BTBD1: variants seen among roughly 807,000 people sequenced by gnomAD.
BTBD1 encodes the protein BTB/POZ domain-containing protein 1.
A neutral mutation model predicts 48.0 loss-of-function variants in BTBD1; 34 were observed. The observed-to-expected ratio is 0.71, with a 90% CI of 0.54 to 0.94. The LOEUF (loss-of-function observed/expected upper bound fraction) is 0.94. Ranked by LOEUF, BTBD1 falls within the 40% of genes least tolerant of loss-of-function variation. The pLI is 0.00. For synonymous variants in BTBD1, 261 were observed against 242.1 expected, an observed-to-expected ratio of 1.08 and a Z score of -0.72; for missense variants, 543 against 625.6, an observed-to-expected ratio of 0.87 and a Z score of 1.41.
At chr15:83,061,943 G>C (rs888737282) in intron 1 of BTBD1, 2 of 152,220 alleles carry the variant, frequency 1.3e-5, no homozygotes, top group African/African-American at 2.4e-5. Context: ...CCTGTGGGTG[G>C]AATTTTTACA....
intron 4 of BTBD1, chr15:83,030,714 T>C (rs2032500047): frequency 1.3e-5 from 2 of 156,382 alleles, no homozygotes. Flanking sequence ...AGGTAAAGAA[T>C]TCATGACTAA....
chr15:83,040,448 A>T (rs1006012531), intron 4 of BTBD1, among the ~76,000 whole-genome samples: 15 of 152,192 alleles, frequency 9.9e-5, no homozygotes, highest in African/African-American at 3.6e-4. Flanking sequence ...CATGCCTATA[A>T]TCCCAGCACT....
intron 1 of BTBD1, among the ~76,000 whole-genome samples, chr15:83,064,917 T>G (rs1460980986): frequency 3.3e-5 from 5 of 152,066 alleles, no homozygotes. Context: ...AAACAAAGAA[T>G]AAAGAAGAAA....
chr15:83,031,235 C>T (rs557394264), intron 4 of BTBD1, among the ~76,000 whole-genome samples: 13 of 152,264 alleles, frequency 8.5e-5, no homozygotes, highest in South Asian at 2.1e-4. Flanking sequence ...TGGTGTGAGA[C>T]GGTATCTCAT....
rs767591345 is a variant in BTBD1 at position 83,050,088 on chromosome 15, T to C, written c.649A>G (p.Thr217Ala). Residue 217 changes from threonine to alanine, a missense_variant, in exon 3 of 8, where the codon ACT becomes GCT. This residue lies in a region of BTBD1 where 300 missense variants were observed against 350.0 expected (regional missense o/e 0.86). Transcript: ENST00000261721. ...GCGAACTTACCTATATCAATATCAG[T>C]AAACCCTTCTGCACTTATTGCATCC... ...TMDAISAEGF[T>A]DIDIDTLCAV... is the part of the protein sequence containing the mutation. The C allele has an allele frequency of 6.2e-7, 1 of 1,610,044 alleles. No homozygotes were observed. Among genetic ancestry groups the C allele is most frequent in the South Asian group, 1.1e-5 (1 of 90,878 alleles).
intron 4 of BTBD1, among the ~76,000 whole-genome samples, chr15:83,040,023 A>G (rs1194676416): frequency 6.6e-6 from 1 of 151,570 alleles, no homozygotes; most frequent in Non-Finnish European, 1.5e-5. Flanking sequence ...ACACGGACAC[A>G]CACACACCAC....
Position 83,032,977 on chromosome 15 carries a change from A to AAAAAAAAAAAAAAC in BTBD1, c.863-2650_863-2649insGTTTTTTTTTTTTT, listed in dbSNP as rs752456266. Among the ~76,000 whole-genome samples, 365 of 149,504 alleles carry AAAAAAAAAAAAAAC rather than the reference A, an allele frequency of 2.4e-3. 3 individuals carry two copies. The highest frequency in any genetic ancestry group is 4.1e-3 in the Non-Finnish European group (275 of 66,930). On this transcript the variant is annotated intron_variant, in intron 4 of 7. Coordinates refer to ENST00000261721, the MANE Select transcript of BTBD1 (RefSeq NM_025238.4). Reference sequence around the variant, plus strand: ...ACAGTCTTACTCTGTCTCAAAAAAAAAAAAAAAAAAACAGAATAGAATTGC... The same window carrying AAAAAAAAAAAAAAC: ...ACAGTCTTACTCTGTCTCAAAAAAAAAAAAAAAAAAAAACAAAAAAAAAAACAGAATAGAATTGC...
At chr15:83,030,532 T>C in intron 4 of BTBD1, 1 of 513,390 alleles carries the variant, frequency 1.9e-6, no homozygotes, top group East Asian at 3.3e-5. Context: ...GTTAAAAGCA[T>C]TAATTAGTCA....
At chr15:83,044,613 C>T in intron 3 of BTBD1, 1 of 1,584,062 alleles carries the variant, frequency 6.3e-7, no homozygotes, top group South Asian at 1.1e-5. Context: ...CAGAAAAACT[C>T]AGACTGTGTG....
In BTBD1 at chr15:83,066,917, G is replaced by T; in HGVS notation, c.235C>A (p.Arg79Ser). ...GGGCCCCCAGCGGCGGCGGCGCCGCGACCCTTGCCCAGTACGAAGCGCACA... is the reference window on the plus strand; with the variant it reads ...GGGCCCCCAGCGGCGGCGGCGCCGCTACCCTTGCCCAGTACGAAGCGCACA... ...SDVRFVLGKG[R>S]GAAAAGGPQR... The change falls in exon 1 of 8, where the codon CGC (arginine) becomes AGC (serine). Residue 79 changes from arginine to serine, a missense_variant. Around this residue, in one of 3 missense-constraint regions of BTBD1, gnomAD observed 173 missense variants for 163.9 expected, o/e 1.06. Transcript: ENST00000261721. The T allele has an allele frequency of 6.5e-7, 1 of 1,534,806 alleles. No homozygotes were observed. Among genetic ancestry groups the T allele is most frequent in the Non-Finnish European group, 8.7e-7 (1 of 1,146,218 alleles).
At chr15:83,052,025 C>G (rs904568751) in intron 2 of BTBD1, among the ~76,000 whole-genome samples, 3 of 152,020 alleles carry the variant, frequency 2.0e-5, no homozygotes, top group African/African-American at 7.2e-5. Context: ...GGCACAATCT[C>G]GGCTTACTGC....
At chr15:83,062,612 C>G (rs797017502) in intron 1 of BTBD1, among the ~76,000 whole-genome samples, 5 of 152,248 alleles carry the variant, frequency 3.3e-5, no homozygotes, top group African/African-American at 1.2e-4. Context: ...AGTAAAAGTA[C>G]TCATTAAATG....
chr15:83,037,736 A>C (rs1478968326), intron 4 of BTBD1, among the ~76,000 whole-genome samples: 2 of 152,198 alleles, frequency 1.3e-5, no homozygotes, highest in African/African-American at 4.8e-5. Context: ...TAAGAAAAGA[A>C]GTCAAACTAT....
At chr15:83,062,098 C>G (rs998158628) in intron 1 of BTBD1, among the ~76,000 whole-genome samples, 1 of 152,170 alleles carries the variant, frequency 6.6e-6, no homozygotes. Flanking sequence ...GGTTGAAACA[C>G]TGAGTGGATG....
At chr15:83,021,703 C>T (rs948198337) in intron 5 of BTBD1, among the ~76,000 whole-genome samples, 13 of 150,356 alleles carry the variant, frequency 8.6e-5, no homozygotes, top group Non-Finnish European at 1.5e-4. Flanking sequence ...GCAGGTGACC[C>T]GGCACTCCAT....
chr15:83,036,605 G>A (rs545732925), intron 4 of BTBD1, among the ~76,000 whole-genome samples: 1 of 152,314 alleles, frequency 6.6e-6, no homozygotes, highest in African/African-American at 2.4e-5. Flanking sequence ...GTTTACGTAT[G>A]TATACCAAAT....
intron 1 of BTBD1, among the ~76,000 whole-genome samples, chr15:83,062,010 C>A (rs1461018416): frequency 1.3e-5 from 2 of 151,978 alleles, no homozygotes; most frequent in East Asian, 3.9e-4. Flanking sequence ...GGAGCCCTGG[C>A]AGAAAGACTG....
intron 2 of BTBD1, among the ~76,000 whole-genome samples, chr15:83,050,695 T>C (rs2032965975): frequency 1.3e-5 from 2 of 152,162 alleles, no homozygotes; most frequent in East Asian, 1.9e-4. Flanking sequence ...TTCTCTTCCA[T>C]TGCCTGTTTT....
At chr15:83,042,672 C>G (rs2032790913) in intron 3 of BTBD1, among the ~76,000 whole-genome samples, 2 of 152,128 alleles carry the variant, frequency 1.3e-5, no homozygotes, top group Admixed American at 1.3e-4. Context: ...GCGTGAGCCA[C>G]CGCGCCCAGC....
Sources: allele counts gnomAD v4.1 joint callset (sites outside exome capture counted in the v4.1 genomes callset), GRCh38; gene constraint gnomAD v4.1.1; regional missense constraint gnomAD v4.1.1; transcripts MANE v1.5; gene names NCBI Gene and HGNC (gene_info 2026-07-23, HGNC 2026-07-21).